DDX51: variants seen among roughly 807,000 people sequenced by gnomAD.
DDX51 encodes DEAD-box helicase 51, also known as ATP-dependent RNA helicase DDX51.
In DDX51, 67 loss-of-function variants were observed where a neutral mutation model predicts 74.6. The observed-to-expected ratio is 0.90, with a 90% CI of 0.74 to 1.10. The LOEUF (loss-of-function observed/expected upper bound fraction) is 1.10, where lower values mean the gene tolerates loss of function less well. Among genes scored for constraint, DDX51 ranks in the 50% least tolerant of loss-of-function variants. DDX51 has a pLI of 0.00. For missense variants in DDX51, 1,056 were observed against 905.2 expected (o/e 1.17, Z -2.14); for synonymous variants, 545 against 402.9 (o/e 1.35, Z -4.22).
At chr12:132,142,082 C>A in intron 5 of DDX51, 37 bp downstream of exon 5, 1 of 1,561,798 alleles carries the variant, frequency 6.4e-7, no homozygotes, top group South Asian at 1.2e-5. Context: ...GAAGCTGAGG[C>A]GGGCGGTGCC....
rs1268909883 is a variant in DDX51 at position 132,140,644 on chromosome 12, G to C, written c.1532C>G (p.Thr511Ser). The change falls in exon 10 of 15, where the codon ACT becomes AGT. Residue 511 changes from threonine (T) to serine (S), a missense_variant. Coordinates refer to ENST00000397333, the MANE Select transcript of DDX51 (RefSeq NM_175066.4). ...EMGFSRVLCF[T>S]NSRENSHRLF... ...CCTGTGGGAGTTCTCTCGGGAGTTA[G>C]TGAAGCAGAGAACCCTCGAGAAGCC... 6.2e-7 allele frequency: 1 copy of C among 1,612,852 alleles called. No homozygotes were observed. The highest frequency in any genetic ancestry group is 8.5e-7 in the Non-Finnish European group (1 of 1,180,044).
chr12:132,141,573 C>T lies in DDX51; in HGVS notation c.1029G>A (p.Val343=), dbSNP rs1897465083. The T allele has an allele frequency of 6.2e-7, 1 of 1,603,570 alleles. No individual in the cohort carries two copies. The highest frequency in any genetic ancestry group is 1.3e-5 in the African/African-American group (1 of 74,762). ...ADGYRCLADI[V]VATPGRLVDH... ...CCACCAGGCGGCCGGGGGTGGCTAC[C>T]ACGATGTCAGCCAAGCAGCGGTACC... The change falls in exon 7 of 15, where the codon GTG becomes GTA. Residue 343 remains valine (V), a synonymous_variant. Coordinates refer to ENST00000397333, the MANE Select transcript of DDX51 (RefSeq NM_175066.4).
Position 132,143,924 on chromosome 12 carries a change from C to A in DDX51, c.305-15G>T, listed in dbSNP as rs1478765751. 1.3e-6 allele frequency: 2 copies of A among 1,512,022 alleles called. No homozygotes were observed. The highest frequency in any genetic ancestry group is 2.9e-5 in the African/African-American group (2 of 69,384). The allele number at this position is 1,512,022 out of a possible 1,614,324, so 93.7% of individuals were successfully genotyped here. A position where few individuals can be genotyped will look rare whatever the true frequency, so the allele number is the denominator to read the frequency against. ...CTCGTTGCTTTCTGCGAGGCAGACA[C>A]CCACCCGGCAGCGCGTCAGCACCGA... On this transcript the variant is annotated splice_polypyrimidine_tract_variant and intron_variant, in intron 1 of 14. Transcript: ENST00000397333.
rs908144699 is a variant in DDX51, at chr12:132,141,431, C to T, written c.1105-11G>A. 5.0e-6 allele frequency: 8 copies of T among 1,586,884 alleles called. No homozygotes were observed. The Admixed American group carries it at 1.0e-4, about 20-fold the overall frequency. ...AGCCTCGTCGATAATCTGCAGGAGA[C>T]AGGGAGCCCGGGACTGGGTGGCGCG... is the stretch of plus-strand genomic sequence containing the variant. On this transcript the variant is annotated splice_polypyrimidine_tract_variant and intron_variant, in intron 7 of 14. Transcript: ENST00000397333.
At chr12:132,143,952 C>G (rs1348678192) in intron 1 of DDX51, 41 bp downstream of exon 1, 6 of 1,468,856 alleles carry the variant, frequency 4.1e-6, no homozygotes, top group Non-Finnish European at 5.4e-6. Flanking sequence ...AGCACCGAGT[C>G]GCCGGCGCCC....
At chr12:132,143,388 G>A (rs530814311) in intron 2 of DDX51, 7 of 523,872 alleles carry the variant, frequency 1.3e-5, no homozygotes, top group South Asian at 7.1e-5. Context: ...GGAGCTTGCA[G>A]AACGGCCTCT....
intron 2 of DDX51, chr12:132,143,304 C>T (rs1565955793): frequency 1.2e-5 from 5 of 412,516 alleles, no homozygotes; most frequent in South Asian, 7.5e-5. Flanking sequence ...TCAAACTTCT[C>T]GCTTTCTTCA....
intron 2 of DDX51, chr12:132,143,382 C>T (rs1593423017): frequency 3.9e-6 from 2 of 519,404 alleles, no homozygotes; most frequent in Non-Finnish European, 6.8e-6. Context: ...CGGTCAGGAG[C>T]TTGCAGAACG....
rs760638825 is a variant in DDX51 at position 132,141,910 on chromosome 12, A to G, written c.935T>C (p.Val312Ala). ...AGACTTCTGTCCCGTAACCAGGGAG[A>G]CTCTCAGAGGTGTGGCATCTGTGTA... ...NIYTDATPLR[V>A]SLVTGQKSLA... The change falls in exon 6 of 15, where the codon GTC (valine) becomes GCC (alanine). Residue 312 changes from valine to alanine, a missense_variant. Physicochemically the swap from Val to Ala is moderately conservative, Grantham distance 64. Coordinates refer to ENST00000397333, the MANE Select transcript of DDX51 (RefSeq NM_175066.4). 12 of 1,612,948 alleles carry G rather than the reference A, an allele frequency of 7.4e-6. No homozygotes were observed. The highest frequency in any genetic ancestry group is 1.0e-5 in the Non-Finnish European group (12 of 1,179,996).
intron 2 of DDX51, chr12:132,143,283 C>T (rs1897549560): frequency 1.7e-5 from 7 of 403,984 alleles, no homozygotes; most frequent in Non-Finnish European, 3.2e-5. Context: ...CTAAGGTGCC[C>T]GAGCACTCTG....
rs1204247435 is a variant in DDX51, at chr12:132,136,811, ACGCCACCAC to A, written c.*2452_*2460del. On this transcript the variant is annotated 3_prime_UTR_variant, in exon 15 of 15. Transcript: ENST00000397333. ...CTTGAGTAGTTGGGACTCCAGGCAC[ACGCCACCAC>A]GCTCAGCTAAGTTTTGTATTTTTAG... 3 of 152,134 alleles carry A rather than the reference ACGCCACCAC, an allele frequency of 2.0e-5. No individual in the cohort carries two copies. The highest frequency in any genetic ancestry group is 4.4e-5 in the Non-Finnish European group (3 of 68,068). 9.4% of individuals were successfully genotyped at this position (152,134 alleles called of 1,614,324 possible). A position where few individuals can be genotyped will look rare whatever the true frequency, so the allele number is the denominator to read the frequency against.
chr12:132,143,671 A>AC (rs1488784533), intron 2 of DDX51, 24 bp downstream of exon 2: 1 of 1,533,124 alleles, frequency 6.5e-7, no homozygotes, highest in Non-Finnish European at 8.7e-7. Flanking sequence ...CACGCCGACC[A>AC]CCCTCCCGCC....
At chr12:132,142,905 G>A (rs1204272859) in intron 2 of DDX51, 27 bp from the exon 3 acceptor site, 4 of 1,611,206 alleles carry the variant, frequency 2.5e-6, no homozygotes, top group African/African-American at 2.7e-5. Flanking sequence ...AGAGAGGCCA[G>A]GTGAGCGCTT....
rs762681920 is a variant in DDX51, at chr12:132,139,278, C to T, written c.1995G>A (p.Ala665=). The change falls in exon 15 of 15, where the codon GCG becomes GCA. Residue 665 remains alanine (A), a synonymous_variant. Coordinates refer to ENST00000397333, the MANE Select transcript of DDX51 (RefSeq NM_175066.4). The stretch of plus-strand genomic sequence containing the variant: ...CGGCCCTCTGAGCCCCAGCCTAGGC[C>T]GCCCTCTGCTTGCGCTCTTCCTGTG... ...ESVKEERKQR[A]A is the part of the protein sequence containing the mutation. 7.5e-5 allele frequency: 121 copies of T among 1,608,462 alleles called. No individual in the cohort carries two copies. The highest frequency in any genetic ancestry group is 9.8e-5 in the Non-Finnish European group (116 of 1,178,828).
At chr12:132,141,448 G>A (rs201000770) in intron 7 of DDX51, 28 bp from the exon 8 acceptor site, 1 of 1,583,938 alleles carries the variant, frequency 6.3e-7, no homozygotes, top group Non-Finnish European at 8.6e-7. Context: ...CCCGGGACTG[G>A]GTGGCGCGGC....
rs1246549422 is a variant in DDX51, at chr12:132,143,840, G to C, written c.374C>G (p.Ala125Gly). The change falls in exon 2 of 15, where the codon GCA (alanine) becomes GGA (glycine). Residue 125 changes from alanine (A) to glycine (G), a missense_variant. Transcript: ENST00000397333. ...CCCCGGCGCCTCCTCGCTGCTCCCTGCGCTGGGCTCCCCTGGCGCCTCCTC... is the reference window on the plus strand; with the variant it reads ...CCCCGGCGCCTCCTCGCTGCTCCCTCCGCTGGGCTCCCCTGGCGCCTCCTC... Reference protein sequence around the residue: ...SSEEAPGEPSAGSSEEAPGER... With the variant: ...SSEEAPGEPSGGSSEEAPGER... 2.7e-6 allele frequency: 4 copies of C among 1,500,196 alleles called. No individual in the cohort carries two copies. The highest frequency in any genetic ancestry group is 2.6e-6 in the Non-Finnish European group (3 of 1,140,252). 92.9% of individuals were successfully genotyped at this position (1,500,196 alleles called of 1,614,324 possible). A position where few individuals can be genotyped will look rare whatever the true frequency, so the allele number is the denominator to read the frequency against.
At chr12:132,139,319 C>T in intron 14 of DDX51, 21 bp from the exon 15 acceptor site, 1 of 1,606,054 alleles carries the variant, frequency 6.2e-7, no homozygotes, top group Non-Finnish European at 8.5e-7. Context: ...AAGGGGAGGG[C>T]TCAGCACCAC....
At chr12:132,143,955 C>T in intron 1 of DDX51, 38 bp downstream of exon 1, 1 of 1,467,124 alleles carries the variant, frequency 6.8e-7, no homozygotes, top group Non-Finnish European at 9.0e-7. Flanking sequence ...ACCGAGTCGC[C>T]GGCGCCCCAG....
At position 132,139,785 on chromosome 12, in the gene DDX51, T is replaced by G. The variant is rs778384310; in HGVS notation, c.1840-16A>C. On this transcript the variant is annotated splice_polypyrimidine_tract_variant and intron_variant, in intron 13 of 14. Coordinates refer to ENST00000397333, the MANE Select transcript of DDX51 (RefSeq NM_175066.4). ...ATCTCCTCTCCTGGAGAGAAGCTCA[T>G]GGTGGAAGGGGGTTCTTGGGCCAGC... The G allele has an allele frequency of 6.2e-6, 10 of 1,613,052 alleles. 1 individual carries two copies. In the South Asian group the frequency reaches 9.9e-5, roughly 16 times the overall value.
Sources: gnomAD v4.1 joint callset for allele counts on GRCh38, gnomAD v4.1.1 for gene constraint, MANE v1.5 for transcripts, NCBI Gene and HGNC (gene_info 2026-07-23, HGNC 2026-07-21) for gene names.